XKR6: variants seen among roughly 807,000 people sequenced by gnomAD.
XKR6 encodes the protein XK related 6.
A neutral mutation model predicts 56.7 loss-of-function variants in XKR6; 22 were observed. The ratio of observed to expected loss-of-function variants is 0.39; its 90% CI spans 0.28 to 0.55. The LOEUF is 0.55. Among genes scored for constraint, XKR6 ranks in the 20% least tolerant of loss-of-function variants. The pLI, the probability that XKR6 is intolerant of heterozygous loss-of-function variation, is 0.66. For missense variants in XKR6, 852 were observed against 889.0 expected, an observed-to-expected ratio of 0.96 and a Z score of 0.53; for synonymous variants, 524 against 387.8, an observed-to-expected ratio of 1.35 and a Z score of -4.13.
intron 1 of XKR6, among the ~76,000 whole-genome samples, chr8:11,093,631 T>C (rs1356613536): frequency 2.1e-5 from 3 of 146,188 alleles, no homozygotes; most frequent in Non-Finnish European, 4.5e-5. Flanking sequence ...AAGTATTTTA[T>C]ACTTAAATAT....
chr8:10,993,110 C>A (rs1467143367), intron 1 of XKR6, among the ~76,000 whole-genome samples: 1 of 152,162 alleles, frequency 6.6e-6, no homozygotes, highest in Non-Finnish European at 1.5e-5. Flanking sequence ...AAATAGCAAC[C>A]AGAATGGAAC....
chr8:11,019,745 T>C (rs146325247), intron 1 of XKR6, among the ~76,000 whole-genome samples: 155 of 152,304 alleles, frequency 1.0e-3, no homozygotes, highest in African/African-American at 3.6e-3. Flanking sequence ...AGGCAGAGGC[T>C]AACACGGTTA....
intron 1 of XKR6, among the ~76,000 whole-genome samples, chr8:11,055,610 C>T (rs1173417539): frequency 1.3e-5 from 2 of 152,368 alleles, no homozygotes; most frequent in Admixed American, 6.5e-5. Flanking sequence ...CCCAAATCCA[C>T]GTCCCAGGAC....
At chr8:11,159,863 ATGT>A (rs1801706486) in intron 1 of XKR6, among the ~76,000 whole-genome samples, 1 of 152,332 alleles carries the variant, frequency 6.6e-6, no homozygotes, top group South Asian at 2.1e-4. Flanking sequence ...GGCCTTTAGA[ATGT>A]TGTTGATTAG....
At chr8:11,053,483 G>A (rs1484394742) in intron 1 of XKR6, among the ~76,000 whole-genome samples, 1 of 152,210 alleles carries the variant, frequency 6.6e-6, no homozygotes, top group Non-Finnish European at 1.5e-5. Flanking sequence ...CCCAGACAGA[G>A]GAGGTAATGA....
At chr8:11,198,904 C>A (rs1411818906) in intron 1 of XKR6, among the ~76,000 whole-genome samples, 2 of 151,952 alleles carry the variant, frequency 1.3e-5, no homozygotes, top group Non-Finnish European at 1.5e-5. Flanking sequence ...CAGAAAACAA[C>A]CCCCAGCCCC....
chr8:11,078,018 A>C (rs1800320456), intron 1 of XKR6, among the ~76,000 whole-genome samples: 1 of 152,084 alleles, frequency 6.6e-6, no homozygotes, highest in African/African-American at 2.4e-5. Context: ...GAAGGACCTC[A>C]ATGCTGACCT....
At chr8:11,046,313 T>A (rs1799409617) in intron 1 of XKR6, among the ~76,000 whole-genome samples, 2 of 152,058 alleles carry the variant, frequency 1.3e-5, no homozygotes, top group South Asian at 4.2e-4. Flanking sequence ...GGCAGAAGAA[T>A]CACTTGAATC....
chr8:10,958,626 C>T (rs533325744), intron 1 of XKR6, among the ~76,000 whole-genome samples: 83 of 152,150 alleles, frequency 5.5e-4, no homozygotes, highest in Non-Finnish European at 1.0e-3. Flanking sequence ...GCCAATATTC[C>T]CCTTTTACAG....
In XKR6 at chr8:11,042,465, C is replaced by A. The variant is rs183524969; in HGVS notation, c.765-117635G>T. On this transcript the variant is annotated intron_variant, in intron 1 of 2. Coordinates refer to ENST00000416569, the MANE Select transcript of XKR6 (RefSeq NM_173683.4). The stretch of plus-strand genomic sequence containing the variant: ...TCTGATGGTTTTATAAAGGGCAGTT[C>A]CCCTGCACATACTCTGTTGTCTGCC... Among the ~76,000 whole-genome samples the A allele has an allele frequency of 4.0e-4, 61 of 152,192 alleles. No homozygotes were observed. In the East Asian group the frequency reaches 0.011, roughly 28 times the overall value.
At chr8:10,936,022 T>C (rs1047185381) in intron 1 of XKR6, among the ~76,000 whole-genome samples, 2,024 of 150,936 alleles carry the variant, frequency 0.013, 50 homozygotes, top group African/African-American at 0.045. Flanking sequence ...CCATTATTAA[T>C]GTGTGGGAGT....
At chr8:10,899,531 T>C (rs1406388432) in intron 2 of XKR6, among the ~76,000 whole-genome samples, 1 of 152,228 alleles carries the variant, frequency 6.6e-6, no homozygotes, top group Non-Finnish European at 1.5e-5. Flanking sequence ...CACTGGGATA[T>C]CCCGCCCATT....
intron 1 of XKR6, among the ~76,000 whole-genome samples, chr8:11,165,880 A>G (rs1026682522): frequency 1.3e-5 from 2 of 152,188 alleles, no homozygotes; most frequent in South Asian, 4.2e-4. Context: ...TGAAGGAACC[A>G]TAAGTTCTGA....
At position 11,080,878 on chromosome 8, in the gene XKR6, T is replaced by C. The variant is rs554350497; in HGVS notation, c.764+119698A>G. 2.2e-4 allele frequency among the ~76,000 whole-genome samples: 33 copies of C among 152,256 alleles called. 1 individual carries two copies. The South Asian group carries it at 6.2e-3, about 29-fold the overall frequency. On this transcript the variant is annotated intron_variant, in intron 1 of 2. Transcript: ENST00000416569. Reference sequence around the variant, plus strand: ...CTGCCAACCTCTTTGGAGAGGAGAATAGAGATATTATCACCTCCACTGTAC... The same window carrying C: ...CTGCCAACCTCTTTGGAGAGGAGAACAGAGATATTATCACCTCCACTGTAC...
chr8:11,049,840 T>G (rs949390729), intron 1 of XKR6, among the ~76,000 whole-genome samples: 1 of 152,220 alleles, frequency 6.6e-6, no homozygotes, highest in Admixed American at 6.5e-5. Context: ...CAAGAGTCAC[T>G]AAGGGGCAAA....
rs939041221 is a variant in XKR6, at chr8:11,151,827, T to C, written c.764+48749A>G. On this transcript the variant is annotated intron_variant, in intron 1 of 2. Coordinates refer to ENST00000416569, the MANE Select transcript of XKR6 (RefSeq NM_173683.4). The stretch of plus-strand genomic sequence containing the variant: ...TTTTACGTGTTCCCAGTAGCTCCCA[T>C]CAGCAAGGGGAAGAACAATTAATAA... Among the ~76,000 whole-genome samples, 4 of 151,938 alleles carry C rather than the reference T, an allele frequency of 2.6e-5. 1 individual carries two copies. The South Asian group carries it at 8.3e-4, about 32-fold the overall frequency.
At chr8:11,181,126 T>C (rs1322149686) in intron 1 of XKR6, among the ~76,000 whole-genome samples, 3 of 152,188 alleles carry the variant, frequency 2.0e-5, no homozygotes, top group Non-Finnish European at 4.4e-5. Context: ...TAATGTTGCT[T>C]GGAAAGGATG....
At chr8:11,109,240 T>C (rs1013154246) in intron 1 of XKR6, 11 of 152,354 alleles carry the variant, frequency 7.2e-5, no homozygotes, top group Admixed American at 3.9e-4. Flanking sequence ...GAAGCAAGCA[T>C]CAAACCCTGA....
intron 2 of XKR6, among the ~76,000 whole-genome samples, chr8:10,923,997 A>G (rs1395176316): frequency 1.3e-5 from 2 of 152,200 alleles, no homozygotes; most frequent in African/African-American, 2.4e-5. Context: ...TCACTTGTTG[A>G]ATGGATAAGC....
Sources: allele counts gnomAD v4.1 joint callset (sites outside exome capture counted in the v4.1 genomes callset), GRCh38; gene constraint gnomAD v4.1.1; transcripts MANE v1.5; gene names NCBI Gene and HGNC (gene_info 2026-07-23, HGNC 2026-07-21).